Variants in CCDC148 observed in about 807,000 individuals in gnomAD.
CCDC148 encodes coiled-coil domain containing 148.
In CCDC148, 89 loss-of-function variants were observed where a neutral mutation model predicts 85.7. That is an observed-to-expected ratio of 1.04 (90% CI 0.87 to 1.24). The LOEUF (loss-of-function observed/expected upper bound fraction) is 1.24, where lower values mean the gene tolerates loss of function less well. Ranked by LOEUF, CCDC148 falls within the 50% of genes most tolerant of loss-of-function variation. CCDC148 has a pLI of 0.00. For missense variants in CCDC148, 692 were observed against 671.7 expected (o/e 1.03, Z -0.33); for synonymous variants, 230 against 213.9 (o/e 1.08, Z -0.66).
intron 8 of CCDC148, among the ~76,000 whole-genome samples, chr2:158,310,491 C>T (rs560615473): frequency 1.5e-4 from 22 of 151,500 alleles, no homozygotes; most frequent in African/African-American, 4.1e-4. Flanking sequence ...ACTTCCCAGA[C>T]GTGACGGCTG....
intron 1 of CCDC148, among the ~76,000 whole-genome samples, chr2:158,388,847 T>C (rs1685192609): frequency 6.6e-6 from 1 of 152,124 alleles, no homozygotes; most frequent in Non-Finnish European, 1.5e-5. Context: ...GTTGTGAGGA[T>C]TATAGCAGAT....
intron 1 of CCDC148, among the ~76,000 whole-genome samples, chr2:158,452,822 C>T (rs1431841649): frequency 6.6e-6 from 1 of 152,162 alleles, no homozygotes; most frequent in Non-Finnish European, 1.5e-5. Context: ...TTACACATAC[C>T]AGATGTTTGA....
rs1013428894 is a variant in CCDC148 at position 158,172,115 on chromosome 2, A to G, written c.1774T>C (p.Ter592GlnextTer27). The change falls in exon 14 of 14, where the codon TAG becomes CAG. Residue 592 changes from the stop codon to glutamine, a stop_lost. Transcript: ENST00000283233. ...CATATAGAATTTGAGGATGAGCTCT[A>G]TATTTTAAATACAGTAGACTCCATG... ...KDMESTVFKI* is the reference protein window; with the variant it reads ...KDMESTVFKIQ The G allele has an allele frequency of 5.0e-6, 8 of 1,591,108 alleles. No homozygotes were observed. The highest frequency in any genetic ancestry group is 6.8e-6 in the Non-Finnish European group (8 of 1,171,672).
chr2:158,217,738 T>C (rs1237540506), intron 11 of CCDC148, among the ~76,000 whole-genome samples: 1 of 152,118 alleles, frequency 6.6e-6, no homozygotes, highest in Non-Finnish European at 1.5e-5. Flanking sequence ...TCTTAGAATT[T>C]AAAAATAGAA....
intron 11 of CCDC148, among the ~76,000 whole-genome samples, chr2:158,205,128 G>A (rs1686171218): frequency 6.6e-6 from 1 of 152,222 alleles, no homozygotes; most frequent in Non-Finnish European, 1.5e-5. Flanking sequence ...CAAGGCTGAA[G>A]TAGTGAGGTG....
At chr2:158,223,691 C>A (rs1468122922) in intron 10 of CCDC148, among the ~76,000 whole-genome samples, 1 of 152,166 alleles carries the variant, frequency 6.6e-6, no homozygotes, top group African/African-American at 2.4e-5. Flanking sequence ...GCCTCGTCTG[C>A]TGATACCCAG....
At position 158,313,763 on chromosome 2, in the gene CCDC148, T is replaced by C. The variant is rs1263957494; in HGVS notation, c.896A>G (p.His299Arg). 2 of 1,613,636 alleles carry C rather than the reference T, an allele frequency of 1.2e-6. No individual in the cohort carries two copies. The highest frequency in any genetic ancestry group is 1.7e-6 in the Non-Finnish European group (2 of 1,179,800). The change falls in exon 8 of 14, where the codon CAT (histidine) becomes CGT (arginine). Residue 299 changes from histidine (H) to arginine (R), a missense_variant. By Grantham distance (29) the His-to-Arg change is conservative. Coordinates refer to ENST00000283233, the MANE Select transcript of CCDC148 (RefSeq NM_138803.4). ...LQRYFPHKSR[H>R]DLVEHEKYCD... ...GGTAGGTCCAGTACTCACCAAATCA[T>C]GCCTAGATTTGTGAGGAAAATATCT...
chr2:158,277,091 C>T (rs1263192856), intron 9 of CCDC148, among the ~76,000 whole-genome samples: 1 of 152,136 alleles, frequency 6.6e-6, no homozygotes, highest in East Asian at 1.9e-4. Context: ...TACCTTAAGT[C>T]CAATGGTGGT....
chr2:158,195,205 T>C (rs914263454), intron 11 of CCDC148, among the ~76,000 whole-genome samples: 2 of 152,116 alleles, frequency 1.3e-5, no homozygotes, highest in Non-Finnish European at 2.9e-5. Flanking sequence ...CTTATGCTTT[T>C]CCCACTTTCT....
chr2:158,311,509 G>A (rs529845138), intron 8 of CCDC148, among the ~76,000 whole-genome samples: 45 of 144,130 alleles, frequency 3.1e-4, no homozygotes, highest in African/African-American at 8.5e-4. Flanking sequence ...AGCGGGAGAC[G>A]GAGATGACGG....
rs553998624 is a variant in CCDC148 at position 158,345,949 on chromosome 2, A to AT, written c.148-632dup. Among the ~76,000 whole-genome samples the AT allele has an allele frequency of 1.1e-4, 17 of 152,272 alleles. No homozygotes were observed. The East Asian group carries it at 2.1e-3, about 19-fold the overall frequency. On this transcript the variant is annotated intron_variant, in intron 2 of 13. Coordinates refer to ENST00000283233, the MANE Select transcript of CCDC148 (RefSeq NM_138803.4). ...ACTCTAAGTGCGTCTTTGTAAAAAA[A>AT]TTTTTTTAATTTAAGCAAATATTTA...
In CCDC148 at chr2:158,171,721, A is replaced by T. The variant is rs1373027956; in HGVS notation, c.*392T>A. ...TAATGATAATGAAGCTTCCATAATT[A>T]AAAAGTCAAATTCTGAAATAACAAG... On this transcript the variant is annotated 3_prime_UTR_variant, in exon 14 of 14. Coordinates refer to ENST00000283233, the MANE Select transcript of CCDC148 (RefSeq NM_138803.4). The T allele has an allele frequency of 2.0e-5, 3 of 152,808 alleles. No homozygotes were observed. The highest frequency in any genetic ancestry group is 4.4e-5 in the Non-Finnish European group (3 of 68,610). 9.5% of individuals were successfully genotyped at this position (152,808 alleles called of 1,614,324 possible).
chr2:158,354,310 A>T (rs1302295707), intron 2 of CCDC148, among the ~76,000 whole-genome samples: 1 of 152,124 alleles, frequency 6.6e-6, no homozygotes, highest in African/African-American at 2.4e-5. Flanking sequence ...GAAAGGATCA[A>T]CAAAATTGAT....
At chr2:158,293,090 T>G (rs1418686320) in intron 9 of CCDC148, among the ~76,000 whole-genome samples, 1 of 152,128 alleles carries the variant, frequency 6.6e-6, no homozygotes, top group Non-Finnish European at 1.5e-5. Context: ...CTCTAGAGCT[T>G]AAAGTAAAAT....
Position 158,302,832 on chromosome 2 carries a change from T to C in CCDC148, c.1110+6601A>G, listed in dbSNP as rs374135596. Among the ~76,000 whole-genome samples the C allele has an allele frequency of 3.9e-4, 59 of 151,128 alleles. 1 individual carries two copies. The South Asian group carries it at 0.01, about 27-fold the overall frequency. The stretch of plus-strand genomic sequence containing the variant: ...GCTCTGGGGAGGATGTTCCTAGGCA[T>C]GCCGTTGAAAGACAAGGATGCTGCG... On this transcript the variant is annotated intron_variant, in intron 9 of 13. Coordinates refer to ENST00000283233, the MANE Select transcript of CCDC148 (RefSeq NM_138803.4).
intron 13 of CCDC148, among the ~76,000 whole-genome samples, chr2:158,172,629 C>T (rs997059197): frequency 2.6e-5 from 4 of 151,896 alleles, no homozygotes; most frequent in African/African-American, 7.2e-5. Flanking sequence ...TAAATCTAAG[C>T]CACAAAAAAA....
At chr2:158,243,496 T>C (rs1688437776) in intron 10 of CCDC148, among the ~76,000 whole-genome samples, 2 of 152,116 alleles carry the variant, frequency 1.3e-5, no homozygotes, top group Admixed American at 1.3e-4. Flanking sequence ...AGACAAAAGC[T>C]ATACCACAAT....
intron 1 of CCDC148, among the ~76,000 whole-genome samples, chr2:158,411,074 T>C (rs6437173): frequency 0.54 from 82,144 of 151,914 alleles, 22,705 homozygotes; most frequent in South Asian, 0.74. Flanking sequence ...GGTATACTTA[T>C]GGAGTTCTCT....
At chr2:158,389,869 G>T (rs1365198790) in intron 1 of CCDC148, among the ~76,000 whole-genome samples, 1 of 152,282 alleles carries the variant, frequency 6.6e-6, no homozygotes, top group East Asian at 1.9e-4. Flanking sequence ...TCTGACTCAG[G>T]ACAGGCTTTG....
Sources: gnomAD v4.1 joint callset for allele counts (sites outside exome capture counted in the v4.1 genomes callset) on GRCh38, gnomAD v4.1.1 for gene constraint, MANE v1.5 for transcripts, NCBI Gene and HGNC (gene_info 2026-07-23, HGNC 2026-07-21) for gene names.